The following ARHGAP28 variants were observed in gnomAD, a reference collection of about 807,000 sequenced individuals.
ARHGAP28 encodes the protein Rho GTPase activating protein 28.
Under a neutral mutation model 90.7 loss-of-function variants are expected in ARHGAP28, and 56 were observed. The ratio of observed to expected loss-of-function variants is 0.62; its 90% CI spans 0.50 to 0.77. ARHGAP28 has a LOEUF of 0.77. Among genes scored for constraint, ARHGAP28 ranks in the 30% least tolerant of loss-of-function variants. The pLI, the probability that ARHGAP28 is intolerant of heterozygous loss-of-function variation, is 0.00. For missense variants in ARHGAP28, 869 were observed against 900.9 expected (o/e 0.96, Z 0.45); for synonymous variants, 308 against 323.3 (o/e 0.95, Z 0.51).
intron 15 of ARHGAP28, among the ~76,000 whole-genome samples, chr18:6,895,505 GGCGCCTTCTGAATGCTGTGAGAGAA>G: frequency 6.6e-6 from 1 of 152,344 alleles, no homozygotes; most frequent in Non-Finnish European, 1.5e-5. Context: ...CAGCAAGCTT[GGCGCCTTCTGAATGCTGTGAGAGAA>G]GCACCTGCTT....
chr18:6,841,180 C>CTCTCTCTCTCTCTCTCTCT (rs1491103592), intron 3 of ARHGAP28, among the ~76,000 whole-genome samples: 2 of 57,068 alleles, frequency 3.5e-5, no homozygotes, highest in African/African-American at 2.1e-4. Flanking sequence ...CTCTCTCTCT[C>CTCTCTCTCTCTCTCTCTCT]CTCTCTCTCT....
intron 1 of ARHGAP28, among the ~76,000 whole-genome samples, chr18:6,740,125 A>G (rs1416245943): frequency 6.6e-6 from 1 of 152,210 alleles, no homozygotes; most frequent in Non-Finnish European, 1.5e-5. Context: ...AAGTGCTGGG[A>G]TTACAGGCAT....
At chr18:6,907,346 C>T (rs1188038794) in intron 16 of ARHGAP28, among the ~76,000 whole-genome samples, 7 of 151,606 alleles carry the variant, frequency 4.6e-5, no homozygotes, top group Non-Finnish European at 1.0e-4. Context: ...CACACACAAA[C>T]CTGTTCACAA....
chr18:6,870,447 G>A, intron 6 of ARHGAP28, 143 bp from the exon 7 acceptor site: 1 of 764,942 alleles, frequency 1.3e-6, no homozygotes, highest in South Asian at 1.8e-5. Flanking sequence ...TCCTCGGGGT[G>A]AGTCTGCTGC....
At chr18:6,828,158 G>C (rs370773219) in intron 2 of ARHGAP28, among the ~76,000 whole-genome samples, 1 of 152,160 alleles carries the variant, frequency 6.6e-6, no homozygotes, top group African/African-American at 2.4e-5. Context: ...AGACCAGCCC[G>C]GCCAACACAG....
intron 1 of ARHGAP28, among the ~76,000 whole-genome samples, chr18:6,818,101 T>G (rs886275607): frequency 6.6e-6 from 1 of 152,184 alleles, no homozygotes. Flanking sequence ...ATGTATTCAC[T>G]CCTCGTAACA....
At chr18:6,830,442 AC>A (rs751583272) in intron 2 of ARHGAP28, among the ~76,000 whole-genome samples, 63 of 151,970 alleles carry the variant, frequency 4.1e-4, no homozygotes, top group Non-Finnish European at 7.9e-4. Flanking sequence ...CCCTTCACCT[AC>A]ATTTCTCCTA....
chr18:6,783,413 T>C (rs1713890525), intron 1 of ARHGAP28, among the ~76,000 whole-genome samples: 1 of 151,902 alleles, frequency 6.6e-6, no homozygotes, highest in South Asian at 2.1e-4. Context: ...GCGATTTTCC[T>C]GCCTCAGCCT....
At chr18:6,841,828 G>A (rs1044167411) in intron 3 of ARHGAP28, among the ~76,000 whole-genome samples, 9 of 152,078 alleles carry the variant, frequency 5.9e-5, no homozygotes, top group East Asian at 1.9e-4. Flanking sequence ...AGTACTAAGC[G>A]AGCCCTTGCA....
chr18:6,755,794 A>G (rs2056104193), intron 1 of ARHGAP28, among the ~76,000 whole-genome samples: 1 of 152,216 alleles, frequency 6.6e-6, no homozygotes, highest in East Asian at 1.9e-4. Flanking sequence ...AATGAGTATC[A>G]TTGCTGACCA....
chr18:6,836,692 G>T (rs555309964), intron 2 of ARHGAP28, among the ~76,000 whole-genome samples: 1 of 152,170 alleles, frequency 6.6e-6, no homozygotes, highest in Middle Eastern at 3.4e-3. Context: ...TATTCAAAAG[G>T]GATGCCAAGA....
intron 1 of ARHGAP28, among the ~76,000 whole-genome samples, chr18:6,797,571 G>A (rs1047760520): frequency 1.3e-5 from 2 of 152,072 alleles, no homozygotes; most frequent in Non-Finnish European, 2.9e-5. Context: ...TTTTAGAACT[G>A]GCACTGCTTG....
At chr18:6,827,409 G>C (rs1380720703) in intron 2 of ARHGAP28, among the ~76,000 whole-genome samples, 2 of 144,648 alleles carry the variant, frequency 1.4e-5, no homozygotes, top group Admixed American at 1.4e-4. Context: ...CTGGCCGGGA[G>C]GGGGGTTGAC....
At chr18:6,866,534 C>T (rs1567975364) in intron 5 of ARHGAP28, among the ~76,000 whole-genome samples, 1 of 152,182 alleles carries the variant, frequency 6.6e-6, no homozygotes, top group Non-Finnish European at 1.5e-5. Flanking sequence ...CTGGGCAGCA[C>T]CTCTTCCCTC....
chr18:6,894,914 C>T (rs763076939), intron 15 of ARHGAP28, 23 bp downstream of exon 15: 1 of 1,609,334 alleles, frequency 6.2e-7, no homozygotes, highest in Non-Finnish European at 8.5e-7. Context: ...ATTTCTTTTC[C>T]CTTCCATTAA....
At chr18:6,791,597 A>G (rs1289518102) in intron 1 of ARHGAP28, 2 of 152,218 alleles carry the variant, frequency 1.3e-5, no homozygotes, top group African/African-American at 4.8e-5. Context: ...ATTACCATGC[A>G]TGCTACAAAT....
Position 6,824,799 on chromosome 18 carries a change from C to G in ARHGAP28, c.160C>G (p.Leu54Val), listed in dbSNP as rs898711593. 6.5e-7 allele frequency: 1 copy of G among 1,535,200 alleles called. No homozygotes were observed. Among genetic ancestry groups the G allele is most frequent in the Non-Finnish European group, 8.7e-7 (1 of 1,146,408 alleles). The part of the protein sequence containing the change: ...IPRCRRINRM[L>V]SNESLHPPAF... ...TCGCTGCCGAAGAATTAACAGGATGCTCTCCAATGAATCCCTCCATCCTCC... is the reference window on the plus strand; with the variant it reads ...TCGCTGCCGAAGAATTAACAGGATGGTCTCCAATGAATCCCTCCATCCTCC... Residue 54 changes from leucine (L) to valine (V), a missense_variant, in exon 2 of 18, where the codon CTC becomes GTC. Coordinates refer to ENST00000383472, the MANE Select transcript of ARHGAP28 (RefSeq NM_001366230.1).
intron 10 of ARHGAP28, among the ~76,000 whole-genome samples, chr18:6,878,914 T>C (rs995877763): frequency 6.6e-6 from 1 of 152,240 alleles, no homozygotes; most frequent in Non-Finnish European, 1.5e-5. Flanking sequence ...TTGTAATTCA[T>C]CCACTAAACT....
intron 1 of ARHGAP28, among the ~76,000 whole-genome samples, chr18:6,762,379 C>G (rs181575997): frequency 2.0e-5 from 3 of 152,324 alleles, no homozygotes; most frequent in Admixed American, 2.0e-4. Flanking sequence ...TGGTTTGCCA[C>G]CACTTCCCTC....
Sources: allele counts gnomAD v4.1 joint callset (sites outside exome capture counted in the v4.1 genomes callset), GRCh38; gene constraint gnomAD v4.1.1; transcripts MANE v1.5; gene names NCBI Gene and HGNC (gene_info 2026-07-23, HGNC 2026-07-21).